Variants in SEMA5B observed in about 807,000 individuals in gnomAD.
SEMA5B encodes semaphorin-5B.
SEMA5B carries 66 observed loss-of-function variants against 135.0 expected under a neutral mutation model. The observed-to-expected ratio is 0.49, with a 90% CI of 0.40 to 0.60. SEMA5B has a LOEUF of 0.60. SEMA5B is among the 20% of genes least tolerant of loss of function. SEMA5B has a pLI of 0.00. For synonymous variants in SEMA5B, 690 were observed against 639.5 expected (o/e 1.08, Z -1.19); for missense variants, 1,501 against 1,566.3 (o/e 0.96, Z 0.70).
At chr3:122,949,776 C>G (rs965358191) in intron 2 of SEMA5B, among the ~76,000 whole-genome samples, 2 of 152,170 alleles carry the variant, frequency 1.3e-5, no homozygotes, top group Admixed American at 1.3e-4. Context: ...GACTGATAAA[C>G]TGGTTCATCT....
At chr3:123,014,840 C>T (rs912934757) in intron 1 of SEMA5B, among the ~76,000 whole-genome samples, 22 of 152,284 alleles carry the variant, frequency 1.4e-4, no homozygotes, top group African/African-American at 4.8e-4. Flanking sequence ...ACAAAGCTCA[C>T]AGGTTGAAGT....
At chr3:123,016,782 C>T (rs2107813029) in intron 1 of SEMA5B, among the ~76,000 whole-genome samples, 1 of 151,878 alleles carries the variant, frequency 6.6e-6, no homozygotes, top group East Asian at 1.9e-4. Flanking sequence ...GAGAGCCTTG[C>T]TGTTGTTCTG....
intron 1 of SEMA5B, among the ~76,000 whole-genome samples, chr3:122,969,917 C>G (rs550928447): frequency 1.3e-5 from 2 of 152,152 alleles, no homozygotes; most frequent in African/African-American, 4.8e-5. Flanking sequence ...ACACTTCAAG[C>G]CAAATACTGA....
At chr3:122,992,135 A>G (rs1941898725) in intron 1 of SEMA5B, among the ~76,000 whole-genome samples, 1 of 152,194 alleles carries the variant, frequency 6.6e-6, no homozygotes, top group Non-Finnish European at 1.5e-5. Flanking sequence ...CTCCACCCTC[A>G]TTGTGTTTCA....
At chr3:122,980,890 T>G (rs2107679612) in intron 1 of SEMA5B, among the ~76,000 whole-genome samples, 1 of 152,260 alleles carries the variant, frequency 6.6e-6, no homozygotes, top group East Asian at 1.9e-4. Context: ...CTGTAGGTTC[T>G]TCATGTAAGC....
chr3:122,971,119 C>G (rs934057004), intron 1 of SEMA5B, among the ~76,000 whole-genome samples: 1 of 152,202 alleles, frequency 6.6e-6, no homozygotes, highest in African/African-American at 2.4e-5. Context: ...GCATAGTGCC[C>G]TGGAAGTGCC....
chr3:122,982,092 A>G (rs1211004575), intron 1 of SEMA5B, among the ~76,000 whole-genome samples: 1 of 151,690 alleles, frequency 6.6e-6, no homozygotes, highest in African/African-American at 2.4e-5. Context: ...AGAGACCCAC[A>G]CTCCTTTTAG....
chr3:122,973,641 A>G (rs1941207485), intron 1 of SEMA5B, among the ~76,000 whole-genome samples: 1 of 152,224 alleles, frequency 6.6e-6, no homozygotes, highest in Non-Finnish European at 1.5e-5. Flanking sequence ...TAAGTGAAAC[A>G]GTGAAGGGAA....
intron 1 of SEMA5B, among the ~76,000 whole-genome samples, chr3:123,020,892 C>G (rs1469837261): frequency 6.6e-6 from 1 of 152,218 alleles, no homozygotes; most frequent in Non-Finnish European, 1.5e-5. Context: ...GCCCTCTTCT[C>G]TCTGGACAGG....
intron 9 of SEMA5B, among the ~76,000 whole-genome samples, chr3:122,924,796 A>G (rs1207781161): frequency 1.3e-5 from 2 of 152,098 alleles, no homozygotes; most frequent in East Asian, 1.9e-4. Context: ...TATTCATCTT[A>G]TAGATGTCAC....
At chr3:122,925,469 C>T (rs1049706867) in intron 9 of SEMA5B, among the ~76,000 whole-genome samples, 1 of 151,982 alleles carries the variant, frequency 6.6e-6, no homozygotes, top group Non-Finnish European at 1.5e-5. Flanking sequence ...GAGATTGAGA[C>T]CATCCTGGCT....
At chr3:122,978,287 T>C (rs547367139) in intron 1 of SEMA5B, among the ~76,000 whole-genome samples, 1 of 152,316 alleles carries the variant, frequency 6.6e-6, no homozygotes, top group South Asian at 2.1e-4. Flanking sequence ...AGATCATGGC[T>C]CAGGAATCTC....
chr3:122,995,936 T>C (rs192971441), intron 1 of SEMA5B, among the ~76,000 whole-genome samples: 15 of 152,368 alleles, frequency 9.8e-5, no homozygotes, highest in Non-Finnish European at 2.1e-4. Context: ...CAGAGCTACG[T>C]TGATGGGTCA....
intron 1 of SEMA5B, among the ~76,000 whole-genome samples, chr3:122,974,091 G>A (rs1941224043): frequency 6.6e-6 from 1 of 152,004 alleles, no homozygotes; most frequent in South Asian, 2.1e-4. Flanking sequence ...AGAGAGCCCA[G>A]GCACACCACC....
At chr3:122,976,040 C>T in intron 1 of SEMA5B, 1 of 1,535,148 alleles carries the variant, frequency 6.5e-7, no homozygotes, top group Non-Finnish European at 8.7e-7. Flanking sequence ...CTGTAGAATG[C>T]CCTCTCCCAA....
intron 1 of SEMA5B, among the ~76,000 whole-genome samples, chr3:123,019,709 T>C (rs934561597): frequency 1.3e-5 from 2 of 152,136 alleles, no homozygotes; most frequent in Non-Finnish European, 2.9e-5. Context: ...ACCACAGCTG[T>C]TTTTACGGAA....
chr3:122,981,479 A>G (rs1941519795), intron 1 of SEMA5B, among the ~76,000 whole-genome samples: 1 of 152,258 alleles, frequency 6.6e-6, no homozygotes, highest in Non-Finnish European at 1.5e-5. Flanking sequence ...AAATAAGGTC[A>G]CTACATCCCT....
chr3:123,016,656 C>T (rs1942565470), intron 1 of SEMA5B, among the ~76,000 whole-genome samples: 1 of 152,016 alleles, frequency 6.6e-6, no homozygotes, highest in Non-Finnish European at 1.5e-5. Context: ...TTCATTGCAG[C>T]CTTGAGCTCC....
chr3:122,921,101 T>C (rs981984345), intron 12 of SEMA5B, among the ~76,000 whole-genome samples: 2 of 152,112 alleles, frequency 1.3e-5, no homozygotes, highest in Non-Finnish European at 2.9e-5. Context: ...CCCTGTATCA[T>C]GGATACCATT....
Sources: gnomAD v4.1 joint callset for allele counts (sites outside exome capture counted in the v4.1 genomes callset) on GRCh38, gnomAD v4.1.1 for gene constraint, MANE v1.5 for transcripts, NCBI Gene and HGNC (gene_info 2026-07-23, HGNC 2026-07-21) for gene names.